The following CACNA2D3 variants were observed in gnomAD, a reference collection of about 807,000 sequenced individuals.
The protein encoded by CACNA2D3 is calcium voltage-gated channel auxiliary subunit alpha2delta 3, also known as voltage-dependent calcium channel subunit alpha-2/delta-3.
Under a neutral mutation model 160.6 loss-of-function variants are expected in CACNA2D3, and 60 were observed. The ratio of observed to expected loss-of-function variants is 0.37; its 90% confidence interval spans 0.30 to 0.46. The LOEUF (loss-of-function observed/expected upper bound fraction) is 0.46, where lower values mean the gene tolerates loss of function less well. Among genes scored for constraint, CACNA2D3 ranks in the 20% least tolerant of loss-of-function variants. The probability of loss-of-function intolerance (pLI) is 1.00; values close to 1 mark genes in which losing one functional copy is unlikely to be tolerated. For synonymous variants in CACNA2D3, 558 were observed against 492.9 expected, an observed-to-expected ratio of 1.13 and a Z score of -1.75; for missense variants, 1,205 against 1,365.0, an observed-to-expected ratio of 0.88 and a Z score of 1.85.
intron 5 of CACNA2D3, among the ~76,000 whole-genome samples, chr3:54,557,691 GC>G (rs1702261365): frequency 6.6e-6 from 1 of 152,144 alleles, no homozygotes; most frequent in Admixed American, 6.5e-5. Flanking sequence ...ATTAATTTAA[GC>G]GGGTTTTGCC....
At chr3:54,848,262 G>A (rs1046619605) in intron 17 of CACNA2D3, among the ~76,000 whole-genome samples, 4 of 152,236 alleles carry the variant, frequency 2.6e-5, no homozygotes, top group Non-Finnish European at 4.4e-5. Context: ...TCTTGGAAAA[G>A]CAGACCAACT....
At position 54,303,850 on chromosome 3, in the gene CACNA2D3, T is replaced by C. The variant is rs1575382925; in HGVS notation, c.205-16592T>C. Among the ~76,000 whole-genome samples, 14 of 132,998 alleles carry C rather than the reference T, an allele frequency of 1.1e-4. 1 individual carries two copies. In the South Asian group the frequency reaches 3.4e-3, roughly 32 times the overall value. 87.3% of individuals were successfully genotyped at this position (132,998 alleles called of 152,430 possible). A position where few individuals can be genotyped will look rare whatever the true frequency, so the allele number is the denominator to read the frequency against. ...TTTTTTTTTTTTTTCTATTGCTTAG[T>C]GCTGCTCAGCGGGAGGGATTGCCTT... On this transcript the variant is annotated intron_variant, in intron 2 of 37. Transcript: ENST00000474759.
chr3:54,165,291 A>G (rs1029724401), intron 2 of CACNA2D3, among the ~76,000 whole-genome samples: 74 of 151,946 alleles, frequency 4.9e-4, no homozygotes, highest in African/African-American at 1.6e-3. Flanking sequence ...GTATTTCTCC[A>G]TGTCCCTATG....
intron 2 of CACNA2D3, among the ~76,000 whole-genome samples, chr3:54,146,869 G>T (rs1234938850): frequency 6.6e-6 from 1 of 152,264 alleles, no homozygotes; most frequent in African/African-American, 2.4e-5. Context: ...GCAGGGCTCT[G>T]TCACAGTTGT....
At chr3:54,417,519 A>G (rs1376251371) in intron 4 of CACNA2D3, among the ~76,000 whole-genome samples, 1 of 148,706 alleles carries the variant, frequency 6.7e-6, no homozygotes, top group Admixed American at 6.8e-5. Flanking sequence ...AAGGATAGCA[A>G]CTATTTTTCT....
chr3:54,677,419 A>G (rs1700261599), intron 11 of CACNA2D3, among the ~76,000 whole-genome samples: 1 of 152,160 alleles, frequency 6.6e-6, no homozygotes, highest in South Asian at 2.1e-4. Flanking sequence ...CATCACCTGG[A>G]CTTATAAATG....
At chr3:54,464,544 C>T (rs1157026757) in intron 4 of CACNA2D3, among the ~76,000 whole-genome samples, 1 of 152,208 alleles carries the variant, frequency 6.6e-6, no homozygotes, top group African/African-American at 2.4e-5. Flanking sequence ...TGCTAGCAAT[C>T]AGCAAGACTC....
At chr3:54,753,581 T>C (rs1288214071) in intron 12 of CACNA2D3, among the ~76,000 whole-genome samples, 1 of 152,230 alleles carries the variant, frequency 6.6e-6, no homozygotes, top group East Asian at 1.9e-4. Flanking sequence ...ATAGTGTTCA[T>C]GACAAATAAA....
intron 35 of CACNA2D3, among the ~76,000 whole-genome samples, chr3:55,018,802 A>G (rs1703384040): frequency 6.6e-6 from 1 of 151,826 alleles, no homozygotes; most frequent in African/African-American, 2.4e-5. Context: ...TGACCTCTTT[A>G]TTTCAATTGG....
At chr3:54,548,311 T>C (rs1045946142) in intron 5 of CACNA2D3, among the ~76,000 whole-genome samples, 11 of 152,242 alleles carry the variant, frequency 7.2e-5, no homozygotes, top group South Asian at 6.2e-4. Flanking sequence ...AATTAAGAGT[T>C]AGATGTGTTG....
chr3:54,902,464 C>T (rs138486746), intron 27 of CACNA2D3, among the ~76,000 whole-genome samples: 1 of 152,294 alleles, frequency 6.6e-6, no homozygotes, highest in Non-Finnish European at 1.5e-5. Flanking sequence ...TGGGCCCCAT[C>T]CATCTTCCCG....
At chr3:54,797,217 C>T (rs947699154) in intron 13 of CACNA2D3, among the ~76,000 whole-genome samples, 2 of 152,164 alleles carry the variant, frequency 1.3e-5, no homozygotes, top group Non-Finnish European at 2.9e-5. Flanking sequence ...CAACAAGAGA[C>T]ACAGGGTTGT....
At chr3:54,956,585 G>A (rs574028626) in intron 27 of CACNA2D3, among the ~76,000 whole-genome samples, 2 of 152,194 alleles carry the variant, frequency 1.3e-5, no homozygotes, top group African/African-American at 2.4e-5. Flanking sequence ...TCTTCAACTG[G>A]TCTTAGGCTG....
At chr3:54,143,247 T>C (rs1431127678) in intron 2 of CACNA2D3, among the ~76,000 whole-genome samples, 1 of 152,220 alleles carries the variant, frequency 6.6e-6, no homozygotes, top group East Asian at 1.9e-4. Flanking sequence ...GAGTTCATTA[T>C]TGCAGGTGTG....
intron 2 of CACNA2D3, among the ~76,000 whole-genome samples, chr3:54,169,781 T>TGG (rs1443542525): frequency 6.6e-6 from 1 of 151,712 alleles, no homozygotes; most frequent in East Asian, 1.9e-4. Context: ...GTGGAGGTGG[T>TGG]GATGATGGAT....
At chr3:54,462,131 G>T (rs1480000866) in intron 4 of CACNA2D3, among the ~76,000 whole-genome samples, 2 of 152,106 alleles carry the variant, frequency 1.3e-5, no homozygotes, top group African/African-American at 2.4e-5. Flanking sequence ...ATTGCACTGT[G>T]GTCTGAGAGA....
chr3:54,928,227 T>G (rs1701083890), intron 27 of CACNA2D3, among the ~76,000 whole-genome samples: 1 of 152,178 alleles, frequency 6.6e-6, no homozygotes, highest in Non-Finnish European at 1.5e-5. Flanking sequence ...ATGAGCCGCG[T>G]AAAGAATGTT....
At chr3:54,740,068 C>T (rs1176555528) in intron 11 of CACNA2D3, among the ~76,000 whole-genome samples, 1 of 151,790 alleles carries the variant, frequency 6.6e-6, no homozygotes, top group Non-Finnish European at 1.5e-5. Flanking sequence ...GGATGGGAAA[C>T]ATAAAACAGA....
intron 2 of CACNA2D3, among the ~76,000 whole-genome samples, chr3:54,280,137 A>G (rs1011690644): frequency 6.6e-6 from 1 of 151,974 alleles, no homozygotes; most frequent in Admixed American, 6.6e-5. Flanking sequence ...GCTGGAGTGC[A>G]GTGGTGCGAT....
Sources: gnomAD v4.1 joint callset for allele counts (sites outside exome capture counted in the v4.1 genomes callset) on GRCh38, gnomAD v4.1.1 for gene constraint, MANE v1.5 for transcripts, NCBI Gene and HGNC (gene_info 2026-07-23, HGNC 2026-07-21) for gene names.